ATP8B4: variants seen among roughly 807,000 people sequenced by gnomAD.
The protein encoded by ATP8B4 is ATPase phospholipid transporting 8B4 (putative), also known as probable phospholipid-transporting ATPase IM.
A neutral mutation model predicts 145.6 loss-of-function variants in ATP8B4; 133 were observed. The observed-to-expected ratio is 0.91, with a 90% CI of 0.79 to 1.05. ATP8B4 has a LOEUF of 1.05. Among genes scored for constraint, ATP8B4 ranks in the 50% least tolerant of loss-of-function variants. The pLI, the probability that ATP8B4 is intolerant of heterozygous loss-of-function variation, is 0.00. For synonymous variants in ATP8B4, 507 were observed against 492.9 expected (o/e 1.03, Z -0.38); for missense variants, 1,458 against 1,425.2 (o/e 1.02, Z -0.37).
intron 6 of ATP8B4, among the ~76,000 whole-genome samples, chr15:50,032,325 G>A (rs970424322): frequency 3.9e-5 from 6 of 152,060 alleles, no homozygotes; most frequent in Non-Finnish European, 8.8e-5. Flanking sequence ...GAGAATAATG[G>A]CTTCCAGCTT....
intron 6 of ATP8B4, among the ~76,000 whole-genome samples, chr15:50,033,870 G>A (rs1282496206): frequency 1.3e-5 from 2 of 152,152 alleles, no homozygotes; most frequent in Admixed American, 6.5e-5. Flanking sequence ...AGCAGCATCC[G>A]TGTTGCTGCA....
intron 16 of ATP8B4, among the ~76,000 whole-genome samples, chr15:49,929,341 G>A (rs749767961): frequency 6.6e-6 from 1 of 152,038 alleles, no homozygotes. Flanking sequence ...CAGTTGCAAC[G>A]ATTCAATAAA....
At chr15:50,149,439 A>C (rs1248714169) in intron 1 of ATP8B4, among the ~76,000 whole-genome samples, 1 of 152,170 alleles carries the variant, frequency 6.6e-6, no homozygotes, top group Non-Finnish European at 1.5e-5. Flanking sequence ...AAAGGCAAGC[A>C]TGGGAGGGGA....
At chr15:50,112,376 C>T (rs934179755) in intron 1 of ATP8B4, among the ~76,000 whole-genome samples, 2 of 151,988 alleles carry the variant, frequency 1.3e-5, no homozygotes, top group Non-Finnish European at 2.9e-5. Context: ...TGGGGATCTT[C>T]TACTTCCTTT....
chr15:49,934,361 T>G (rs1390397656), intron 14 of ATP8B4, among the ~76,000 whole-genome samples, 179 bp from the exon 15 acceptor site: 2 of 152,114 alleles, frequency 1.3e-5, no homozygotes, highest in Admixed American at 6.6e-5. Context: ...TTCAGAACCA[T>G]GTACCAAAGA....
At chr15:50,112,954 G>T (rs371486195) in intron 1 of ATP8B4, among the ~76,000 whole-genome samples, 3 of 152,126 alleles carry the variant, frequency 2.0e-5, no homozygotes, top group Admixed American at 2.0e-4. Flanking sequence ...GAGGCTCCCT[G>T]TGAGGGCTGC....
At chr15:50,005,920 C>A (rs28692485) in intron 7 of ATP8B4, among the ~76,000 whole-genome samples, 1 of 148,028 alleles carries the variant, frequency 6.8e-6, no homozygotes, top group Non-Finnish European at 1.5e-5. Flanking sequence ...ACTTTTGGAT[C>A]GCCTTTTATT....
chr15:49,919,507 T>A (rs965806278), intron 18 of ATP8B4, among the ~76,000 whole-genome samples: 43 of 152,260 alleles, frequency 2.8e-4, no homozygotes, highest in Non-Finnish European at 5.4e-4. Context: ...AAGCTCCGCC[T>A]CCCGGGTTCA....
At chr15:49,969,240 C>A (rs752544727) in intron 13 of ATP8B4, among the ~76,000 whole-genome samples, 2 of 152,018 alleles carry the variant, frequency 1.3e-5, no homozygotes, top group Non-Finnish European at 2.9e-5. Context: ...CAAACAAATT[C>A]AAAAGCTAGC....
intron 13 of ATP8B4, among the ~76,000 whole-genome samples, chr15:49,969,065 T>G (rs1239060825): frequency 6.6e-6 from 1 of 152,184 alleles, no homozygotes; most frequent in Non-Finnish European, 1.5e-5. Context: ...AAGTAAGTTC[T>G]TTGAAACCAA....
At chr15:49,899,051 T>C (rs1247805560) in intron 21 of ATP8B4, among the ~76,000 whole-genome samples, 1 of 152,222 alleles carries the variant, frequency 6.6e-6, no homozygotes, top group Non-Finnish European at 1.5e-5. Context: ...AGTGAATCTT[T>C]AGCAAGACAT....
chr15:50,085,841 TTA>T (rs1428333174), intron 2 of ATP8B4, among the ~76,000 whole-genome samples: 1 of 113,716 alleles, frequency 8.8e-6, no homozygotes, highest in Non-Finnish European at 1.8e-5. Flanking sequence ...ATGATATAGA[TTA>T]TTTTATTATA....
chr15:50,165,561 T>C (rs2044584613), intron 1 of ATP8B4, among the ~76,000 whole-genome samples: 1 of 152,042 alleles, frequency 6.6e-6, no homozygotes, highest in African/African-American at 2.4e-5. Context: ...TTTTAAAGGA[T>C]CTAGTTGAAA....
intron 12 of ATP8B4, among the ~76,000 whole-genome samples, chr15:49,974,316 C>T (rs2045471691): frequency 6.6e-6 from 1 of 151,826 alleles, no homozygotes; most frequent in Non-Finnish European, 1.5e-5. Flanking sequence ...ACTCGAACTA[C>T]TGCCCTCAGG....
chr15:49,921,325 A>G (rs1484153735), intron 17 of ATP8B4, among the ~76,000 whole-genome samples: 1 of 152,244 alleles, frequency 6.6e-6, no homozygotes, highest in African/African-American at 2.4e-5. Flanking sequence ...TATTCTATGA[A>G]GTTAGTACTA....
In ATP8B4 at chr15:49,897,491, C is replaced by T. The variant is rs768459939; in HGVS notation, c.2498G>A (p.Ser833Asn). 1.3e-6 allele frequency: 2 copies of T among 1,570,706 alleles called. No homozygotes were observed. The highest frequency in any genetic ancestry group is 1.8e-5 in the Admixed American group (1 of 54,272). The change falls in exon 23 of 28, where the codon AGC (serine) becomes AAC (asparagine). Residue 833 changes from serine to asparagine, a missense_variant. Physicochemically the swap from Ser to Asn is conservative, Grantham distance 46. Transcript: ENST00000284509. ...IKSAHIGVGI[S>N]GQEGLQAVLA... ...GACTGCTTGCAATCCTTCCTGGCCG[C>T]TGATGCCAACACCAATGTGAGCACC... is the stretch of plus-strand genomic sequence containing the variant.
At chr15:50,017,991 CTTTTTTTTT>C (rs35825862) in intron 6 of ATP8B4, among the ~76,000 whole-genome samples, 2 of 140,300 alleles carry the variant, frequency 1.4e-5, no homozygotes, top group Admixed American at 7.2e-5. Context: ...CTTTTTTTTT[CTTTTTTTTT>C]TTTTTGAAAC....
chr15:49,933,723 G>A (rs183309212), intron 15 of ATP8B4, among the ~76,000 whole-genome samples: 4 of 152,052 alleles, frequency 2.6e-5, no homozygotes, highest in African/African-American at 4.8e-5. Context: ...TTGTAAGAAC[G>A]ATGTCATCCC....
At chr15:49,965,778 T>C (rs561150703) in intron 13 of ATP8B4, among the ~76,000 whole-genome samples, 1 of 152,224 alleles carries the variant, frequency 6.6e-6, no homozygotes, top group East Asian at 1.9e-4. Context: ...CCCTAGGATA[T>C]GGTTCTATTC....
Sources: gnomAD v4.1 joint callset for allele counts (sites outside exome capture counted in the v4.1 genomes callset) on GRCh38, gnomAD v4.1.1 for gene constraint, MANE v1.5 for transcripts, NCBI Gene and HGNC (gene_info 2026-07-23, HGNC 2026-07-21) for gene names.